Variants in KAZN observed in about 807,000 individuals in gnomAD.
KAZN encodes the protein kazrin.
In KAZN, 40 loss-of-function variants were observed where a neutral mutation model predicts 87.4. The ratio of observed to expected loss-of-function variants is 0.46; its 90% CI spans 0.36 to 0.60. KAZN has a LOEUF of 0.60. KAZN is among the 20% of genes least tolerant of loss of function. KAZN has a pLI of 0.00. For missense variants in KAZN, 898 were observed against 1,073.9 expected (o/e 0.84, Z 2.29); for synonymous variants, 466 against 458.3 (o/e 1.02, Z -0.22).
At chr1:14,795,010 C>T (rs910076939) in intron 1 of KAZN, among the ~76,000 whole-genome samples, 2 of 152,174 alleles carry the variant, frequency 1.3e-5, no homozygotes, top group Admixed American at 6.5e-5. Context: ...CTTTTGGACT[C>T]TTGAACTTAC....
chr1:14,035,010 G>A (rs569351659), intron 1 of KAZN, among the ~76,000 whole-genome samples: 1 of 152,268 alleles, frequency 6.6e-6, no homozygotes, highest in East Asian at 1.9e-4. Flanking sequence ...GTGATTCCAG[G>A]TGAGAGGTGA....
At chr1:14,772,619 A>G (rs891247240) in intron 1 of KAZN, among the ~76,000 whole-genome samples, 5 of 152,008 alleles carry the variant, frequency 3.3e-5, no homozygotes, top group Non-Finnish European at 7.4e-5. Flanking sequence ...GGATCACAGC[A>G]CCCTTGACCT....
intron 2 of KAZN, among the ~76,000 whole-genome samples, chr1:14,585,395 G>A (rs59738703): frequency 1.4e-3 from 213 of 152,264 alleles, no homozygotes; most frequent in African/African-American, 4.8e-3. Flanking sequence ...ATGGCAGGAC[G>A]TGGCTAGGGC....
At chr1:14,052,995 C>G (rs985399790) in intron 1 of KAZN, among the ~76,000 whole-genome samples, 1 of 152,150 alleles carries the variant, frequency 6.6e-6, no homozygotes, top group Non-Finnish European at 1.5e-5. Context: ...TGTGTATTCC[C>G]TGCCCCTTGA....
chr1:14,449,063 T>C (rs1267012933), intron 2 of KAZN, among the ~76,000 whole-genome samples: 2 of 152,204 alleles, frequency 1.3e-5, no homozygotes, highest in Non-Finnish European at 2.9e-5. Context: ...ACGACAATGT[T>C]GATGACTATG....
At chr1:14,479,849 TG>T (rs1668970855) in intron 2 of KAZN, among the ~76,000 whole-genome samples, 4 of 152,158 alleles carry the variant, frequency 2.6e-5, no homozygotes, top group Non-Finnish European at 4.4e-5. Context: ...CTTCAGCAGG[TG>T]TCTCTATTCA....
chr1:14,794,427 G>A (rs969123498), intron 1 of KAZN, among the ~76,000 whole-genome samples: 1 of 150,490 alleles, frequency 6.6e-6, no homozygotes, highest in South Asian at 2.1e-4. Flanking sequence ...TTCCAAGGCT[G>A]TGGGCCTTTA....
intron 2 of KAZN, among the ~76,000 whole-genome samples, chr1:14,335,067 TTTGGGCC>T (rs1657135069): frequency 6.6e-6 from 1 of 151,678 alleles, no homozygotes; most frequent in African/African-American, 2.4e-5. Context: ...CTAAGAAGTG[TTTGGGCC>T]ATGGGGGCGG....
chr1:14,433,476 G>A (rs1304962670), intron 2 of KAZN, among the ~76,000 whole-genome samples: 1 of 152,160 alleles, frequency 6.6e-6, no homozygotes, highest in African/African-American at 2.4e-5. Flanking sequence ...CTGTGTGATG[G>A]TATTAGGAGA....
In KAZN at chr1:14,310,453, G is replaced by A. The variant is rs147473745; in HGVS notation, c.249+129861G>A. ...ATTCTTGTACTCAATGACTTAAAGA[G>A]TATTTTGCATCTAGCATAAATCTCT... On this transcript the variant is annotated intron_variant, in intron 2 of 16. Coordinates refer to the KAZN transcript ENST00000636203. Among the ~76,000 whole-genome samples, 558 of 152,274 alleles carry A rather than the reference G, an allele frequency of 3.7e-3. 1 individual carries two copies. Among genetic ancestry groups the A allele is most frequent in the Non-Finnish European group, 6.4e-3 (437 of 68,024 alleles).
In KAZN at chr1:14,111,721, C is replaced by G. The variant is rs1029066253; in HGVS notation, c.92-68714C>G. Among the ~76,000 whole-genome samples, 4 of 129,578 alleles carry G rather than the reference C, an allele frequency of 3.1e-5. 1 individual carries two copies. Among genetic ancestry groups the G allele is most frequent in the African/African-American group, 6.1e-5 (2 of 32,614 alleles). The allele number at this position is 129,578 out of a possible 152,430, so 85.0% of individuals were successfully genotyped here. On this transcript the variant is annotated intron_variant, in intron 1 of 16. Transcript: ENST00000636203. The stretch of plus-strand genomic sequence containing the variant: ...TGGACTCCACACCTGATGCCCCAAC[C>G]CTTTGCCTAGATTCTTTTCTTTTTT...
At position 15,086,099 on chromosome 1, in the gene KAZN, T is replaced by C. The variant is rs111347940; in HGVS notation, c.1223-8081T>C. Among the ~76,000 whole-genome samples the C allele has an allele frequency of 3.0e-3, 453 of 152,108 alleles. 1 individual carries two copies. The highest frequency in any genetic ancestry group is 9.1e-3 in the African/African-American group (376 of 41,490). ...GATTCTCCTGCCTCAGCCTCCCAAGTAGCTGGGATTACAGGCGCCCCCGAC... is the reference window on the plus strand; with the variant it reads ...GATTCTCCTGCCTCAGCCTCCCAAGCAGCTGGGATTACAGGCGCCCCCGAC... On this transcript the variant is annotated intron_variant, in intron 8 of 14. Transcript: ENST00000376030.
chr1:15,033,144 T>C (rs1382349485), intron 2 of KAZN, among the ~76,000 whole-genome samples: 1 of 152,184 alleles, frequency 6.6e-6, no homozygotes, highest in Non-Finnish European at 1.5e-5. Context: ...GTGTAGGTTG[T>C]GTGCAAATAC....
chr1:14,560,248 A>G (rs2148526504), intron 2 of KAZN, among the ~76,000 whole-genome samples: 2 of 152,300 alleles, frequency 1.3e-5, no homozygotes, highest in South Asian at 4.1e-4. Flanking sequence ...TTAAGCTCTG[A>G]CAGGATCAGA....
intron 3 of KAZN, among the ~76,000 whole-genome samples, chr1:15,035,254 G>A (rs1039462637): frequency 2.6e-5 from 4 of 152,250 alleles, no homozygotes; most frequent in African/African-American, 7.2e-5. Context: ...GATGAATGCC[G>A]AGCACTCAGC....
rs1640712765 is a variant in KAZN at position 15,094,514 on chromosome 1, G to A, written c.1428+129G>A. Reference sequence around the variant, plus strand: ...AGGTGCAATCTAGGAGCTAGCCAATGCAATCAGCCTCTGATGTACCTGCTC... The same window carrying A: ...AGGTGCAATCTAGGAGCTAGCCAATACAATCAGCCTCTGATGTACCTGCTC... On this transcript the variant is annotated intron_variant, in intron 9 of 14. Coordinates refer to ENST00000376030, the MANE Select transcript of KAZN (RefSeq NM_201628.3). This position sits in a 1 kb window ranked among gnomAD's most constrained non-coding sequence, Gnocchi z 4.5. 1 of 846,002 alleles carries A rather than the reference G, an allele frequency of 1.2e-6. No individual in the cohort carries two copies. The highest frequency in any genetic ancestry group is 2.7e-5 in the East Asian group (1 of 37,358). 52.4% of individuals were successfully genotyped at this position (846,002 alleles called of 1,614,324 possible).
intron 1 of KAZN, among the ~76,000 whole-genome samples, chr1:13,972,346 T>G (rs1290365247): frequency 6.6e-6 from 1 of 150,686 alleles, no homozygotes; most frequent in East Asian, 1.9e-4. Context: ...CTATCTTGGC[T>G]CATTGCAAGC....
intron 2 of KAZN, among the ~76,000 whole-genome samples, chr1:15,003,907 C>T (rs1279013568): frequency 1.3e-5 from 2 of 152,218 alleles, no homozygotes; most frequent in African/African-American, 2.4e-5. Context: ...CATACACACA[C>T]CTGTTCAGCT....
intron 2 of KAZN, among the ~76,000 whole-genome samples, chr1:14,545,329 A>C (rs1479473088): frequency 1.3e-5 from 2 of 152,180 alleles, no homozygotes; most frequent in Non-Finnish European, 2.9e-5. Context: ...CTCCATGTGC[A>C]ACACCCACCA....
Sources: allele counts gnomAD v4.1 joint callset (sites outside exome capture counted in the v4.1 genomes callset), GRCh38; gene constraint gnomAD v4.1.1; non-coding constraint Gnocchi (gnomAD v3.1); transcripts MANE v1.5; gene names NCBI Gene and HGNC (gene_info 2026-07-23, HGNC 2026-07-21).